Variants in ECHDC1 observed in about 807,000 individuals in gnomAD.
ECHDC1 encodes the protein ethylmalonyl-CoA decarboxylase 1.
ECHDC1 carries 29 observed loss-of-function variants against 29.7 expected under a neutral mutation model. The ratio of observed to expected loss-of-function variants is 0.98; its 90% CI spans 0.73 to 1.33. ECHDC1 has a LOEUF of 1.33. Ranked by LOEUF, ECHDC1 falls within the 40% of genes most tolerant of loss-of-function variation. The pLI is 0.00. For synonymous variants in ECHDC1, 126 were observed against 123.1 expected (o/e 1.02, Z -0.15); for missense variants, 328 against 350.0 (o/e 0.94, Z 0.50).
chr6:127,303,596 G>A (rs1364416919), intron 5 of ECHDC1, among the ~76,000 whole-genome samples: 1 of 152,210 alleles, frequency 6.6e-6, no homozygotes, highest in East Asian at 1.9e-4. Flanking sequence ...GGTTTATGAG[G>A]TTTAAGGAAA....
At chr6:127,326,507 A>G in intron 3 of ECHDC1, 1 of 456,180 alleles carries the variant, frequency 2.2e-6, no homozygotes, top group South Asian at 1.6e-5. Flanking sequence ...ATAGGAATAT[A>G]AGATGTTAAT....
At chr6:127,331,735 G>C in intron 1 of ECHDC1, 1 of 709,978 alleles carries the variant, frequency 1.4e-6, no homozygotes, top group Non-Finnish European at 1.7e-6. Context: ...AATAAATATA[G>C]TCCAAGTGTC....
intron 5 of ECHDC1, among the ~76,000 whole-genome samples, chr6:127,296,834 G>A (rs570386694): frequency 5.3e-5 from 8 of 151,972 alleles, no homozygotes; most frequent in East Asian, 3.9e-4. Context: ...ACAAAACCCC[G>A]TCTCTACAAA....
chr6:127,315,861 T>A (rs1782323613), intron 4 of ECHDC1: 1 of 431,268 alleles, frequency 2.3e-6, no homozygotes, highest in Non-Finnish European at 4.8e-6. Flanking sequence ...TAATTTTAAA[T>A]TTGTCTACAT....
intron 1 of ECHDC1, among the ~76,000 whole-genome samples, chr6:127,340,659 C>T (rs1202980196): frequency 1.3e-5 from 2 of 151,860 alleles, no homozygotes; most frequent in African/African-American, 4.8e-5. Context: ...ACATGTGGGG[C>T]AGAGGCCCCA....
At chr6:127,340,735 T>C (rs1341245045) in intron 1 of ECHDC1, among the ~76,000 whole-genome samples, 1 of 94,424 alleles carries the variant, frequency 1.1e-5, no homozygotes, top group Non-Finnish European at 2.3e-5. Context: ...AGATAGTTGC[T>C]TTAAAAGTTT....
chr6:127,336,730 TC>T (rs1399066609), intron 1 of ECHDC1, among the ~76,000 whole-genome samples: 18 of 152,254 alleles, frequency 1.2e-4, no homozygotes, highest in African/African-American at 4.3e-4. Context: ...AAAATTCAAG[TC>T]TACGGAAAAT....
intron 5 of ECHDC1, among the ~76,000 whole-genome samples, chr6:127,298,768 C>T (rs1438534572): frequency 6.6e-6 from 1 of 152,096 alleles, no homozygotes; most frequent in Non-Finnish European, 1.5e-5. Context: ...TAAAAACAAA[C>T]TTACTGCACT....
At chr6:127,332,328 T>G (rs925465314) in intron 1 of ECHDC1, among the ~76,000 whole-genome samples, 1 of 152,250 alleles carries the variant, frequency 6.6e-6, no homozygotes, top group Admixed American at 6.5e-5. Flanking sequence ...ATGGCTGTAT[T>G]CTATTTGTGA....
At chr6:127,314,965 TAAA>T (rs767323362) in intron 4 of ECHDC1, 69 bp from the exon 5 acceptor site, 1 of 1,434,564 alleles carries the variant, frequency 7.0e-7, no homozygotes, top group African/African-American at 1.4e-5. Context: ...TGTTATTTTT[TAAA>T]AAATCTTAAA....
chr6:127,305,518 AAC>A (rs1368754149), intron 5 of ECHDC1, among the ~76,000 whole-genome samples: 1 of 152,198 alleles, frequency 6.6e-6, no homozygotes, highest in Non-Finnish European at 1.5e-5. Context: ...CATACAGAAA[AAC>A]ACAGAATATT....
intron 1 of ECHDC1, among the ~76,000 whole-genome samples, chr6:127,340,895 A>G (rs938008634): frequency 6.6e-6 from 1 of 152,128 alleles, no homozygotes; most frequent in African/African-American, 2.4e-5. Context: ...TCTCATTGTA[A>G]AGGGTCTGTC....
At chr6:127,304,294 C>A (rs1003151859) in intron 5 of ECHDC1, among the ~76,000 whole-genome samples, 1 of 152,134 alleles carries the variant, frequency 6.6e-6, no homozygotes, top group African/African-American at 2.4e-5. Context: ...TCTCCAAGAC[C>A]ATCAAGGCAG....
chr6:127,294,034 A>C (rs1582925239), intron 5 of ECHDC1, among the ~76,000 whole-genome samples: 1 of 152,348 alleles, frequency 6.6e-6, no homozygotes, highest in East Asian at 1.9e-4. Context: ...TTGAAGCAGA[A>C]GATTGCAAGC....
chr6:127,315,541 G>GT (rs796632246), intron 4 of ECHDC1: 140 of 213,164 alleles, frequency 6.6e-4, no homozygotes, highest in African/African-American at 3.2e-3. Context: ...TGTTTTCCAA[G>GT]ATGGAATTTT....
At chr6:127,302,579 T>C (rs1781135208) in intron 5 of ECHDC1, among the ~76,000 whole-genome samples, 1 of 152,030 alleles carries the variant, frequency 6.6e-6, no homozygotes. Context: ...TTTGTATTTT[T>C]AGTAGAGACG....
At chr6:127,327,878 T>G (rs1001694626) in intron 2 of ECHDC1, among the ~76,000 whole-genome samples, 10 of 152,230 alleles carry the variant, frequency 6.6e-5, no homozygotes, top group African/African-American at 1.9e-4. Flanking sequence ...AATCAATAAC[T>G]TTTAGATATG....
intron 1 of ECHDC1, among the ~76,000 whole-genome samples, chr6:127,334,808 T>A (rs149179621): frequency 2.0e-5 from 3 of 152,116 alleles, no homozygotes; most frequent in South Asian, 2.1e-4. Flanking sequence ...CAAGTAAAGA[T>A]AATCACTCCC....
intron 5 of ECHDC1, among the ~76,000 whole-genome samples, chr6:127,307,993 T>C (rs11154395): frequency 0.54 from 81,852 of 151,896 alleles, 24,197 homozygotes; most frequent in Non-Finnish European, 0.68. Flanking sequence ...AGATTGAAGA[T>C]GTAATAAAAA....
Sources: gnomAD v4.1 joint callset for allele counts (sites outside exome capture counted in the v4.1 genomes callset) on GRCh38, gnomAD v4.1.1 for gene constraint, MANE v1.5 for transcripts, NCBI Gene and HGNC (gene_info 2026-07-23, HGNC 2026-07-21) for gene names.